Variants in SERPINB8 observed in about 807,000 individuals in gnomAD.
SERPINB8 encodes serpin B8.
SERPINB8 carries 25 observed loss-of-function variants against 35.3 expected under a neutral mutation model. That is an observed-to-expected ratio of 0.71 (90% CI 0.52 to 0.99). The LOEUF (loss-of-function observed/expected upper bound fraction) is 0.99. Ranked by LOEUF, SERPINB8 falls within the 50% of genes least tolerant of loss-of-function variation. SERPINB8 has a pLI of 0.00. For missense variants in SERPINB8, 484 were observed against 446.5 expected, an observed-to-expected ratio of 1.08 and a Z score of -0.76; for synonymous variants, 186 against 160.8, an observed-to-expected ratio of 1.16 and a Z score of -1.19.
chr18:64,012,036 G>A (rs575313477), intron 7 of SERPINB8, among the ~76,000 whole-genome samples: 4 of 152,168 alleles, frequency 2.6e-5, no homozygotes, highest in African/African-American at 7.2e-5. Context: ...CAATATTGGG[G>A]TGAAAAATGA....
chr18:63,985,342 G>A, intron 6 of SERPINB8, 97 bp downstream of exon 6: 1 of 1,407,994 alleles, frequency 7.1e-7, no homozygotes, highest in Admixed American at 2.2e-5. Flanking sequence ...GTTTCCAGTT[G>A]GGGTTATTAC....
chr18:63,990,707 C>T (rs2050821200), downstream of SERPINB8, among the ~76,000 whole-genome samples: 1 of 150,978 alleles, frequency 6.6e-6, no homozygotes, highest in African/African-American at 2.4e-5. Context: ...TGATGTTCCC[C>T]TTCCTGTGTC....
chr18:64,012,685 T>C (rs554880324), intron 7 of SERPINB8, among the ~76,000 whole-genome samples: 3 of 152,278 alleles, frequency 2.0e-5, no homozygotes, highest in African/African-American at 7.2e-5. Flanking sequence ...TCAGCTCTTC[T>C]GAGTGTCAAT....
chr18:63,971,578 AGTCACTGCCTG>A (rs1312701629), intron 1 of SERPINB8, among the ~76,000 whole-genome samples: 1 of 152,230 alleles, frequency 6.6e-6, no homozygotes, highest in Non-Finnish European at 1.5e-5. Flanking sequence ...CTATGTGAGC[AGTCACTGCCTG>A]GCAATTCCAG....
At chr18:64,007,071 C>T (rs1391735248), downstream of SERPINB8, among the ~76,000 whole-genome samples, 1 of 151,014 alleles carries the variant, frequency 6.6e-6, no homozygotes, top group Non-Finnish European at 1.5e-5. Context: ...AAATAACCTC[C>T]AGAAAGATTA....
At chr18:63,984,471 C>A (rs6567408) in intron 5 of SERPINB8, among the ~76,000 whole-genome samples, 4 of 152,100 alleles carry the variant, frequency 2.6e-5, no homozygotes, top group African/African-American at 7.2e-5. Context: ...CTAACTTTAC[C>A]TTCCCTTTTG....
At chr18:63,974,132 G>T (rs2050541351) in intron 1 of SERPINB8, among the ~76,000 whole-genome samples, 1 of 152,060 alleles carries the variant, frequency 6.6e-6, no homozygotes, top group Non-Finnish European at 1.5e-5. Flanking sequence ...TTCTGTAGAG[G>T]TTTTCTTCTT....
rs528793967 is a variant in SERPINB8, at chr18:63,978,354, T to A, written c.46T>A (p.Phe16Ile). 1 of 1,614,214 alleles carries A rather than the reference T, an allele frequency of 6.2e-7. No homozygotes were observed. Among genetic ancestry groups the A allele is most frequent in the East Asian group, 2.2e-5 (1 of 44,888 alleles). The change falls in exon 2 of 7, where the codon TTT (phenylalanine) becomes ATT (isoleucine). Residue 16 changes from phenylalanine (F) to isoleucine (I), a missense_variant. By Grantham distance (21) the Phe-to-Ile change is conservative (BLOSUM62 0). Coordinates refer to ENST00000397985, the MANE Select transcript of SERPINB8 (RefSeq NM_002640.4). The stretch of plus-strand genomic sequence containing the variant: ...AAATGGCACTTTTGCCATCAGCTTA[T>A]TTAAAATATTGGGGGAAGAGGACAA... ...EANGTFAISL[F>I]KILGEEDNSR...
intron 1 of SERPINB8, among the ~76,000 whole-genome samples, chr18:63,971,998 C>CT (rs71162692): frequency 0.23 from 34,527 of 148,540 alleles, 4,130 homozygotes; most frequent in African/African-American, 0.26. Flanking sequence ...TTTCTTTTTT[C>CT]TTTTTTTTTT....
At chr18:63,996,550 C>T (rs529032288) in intron 1 of SERPINB8, among the ~76,000 whole-genome samples, 14 of 152,260 alleles carry the variant, frequency 9.2e-5, no homozygotes, top group Non-Finnish European at 1.8e-4. Context: ...AAATTCCCCA[C>T]ATAGCTGCCA....
At chr18:63,979,367 T>TA (rs2050633025) in intron 2 of SERPINB8, among the ~76,000 whole-genome samples, 1 of 152,236 alleles carries the variant, frequency 6.6e-6, no homozygotes, top group Non-Finnish European at 1.5e-5. Flanking sequence ...CCCAGTTACT[T>TA]ACTTTTTTCT....
intron 7 of SERPINB8, among the ~76,000 whole-genome samples, chr18:64,015,103 C>A (rs2050943571): frequency 6.6e-6 from 1 of 152,154 alleles, no homozygotes; most frequent in African/African-American, 2.4e-5. Flanking sequence ...ATTCTAGAAG[C>A]ATAATGGGCA....
At chr18:63,982,228 G>C (rs904186534) in intron 4 of SERPINB8, among the ~76,000 whole-genome samples, 2 of 152,052 alleles carry the variant, frequency 1.3e-5, no homozygotes, top group Admixed American at 6.6e-5. Flanking sequence ...CGTGGTAATG[G>C]GACAGCTCAG....
At chr18:64,018,899 T>A (rs1466660741) in intron 7 of SERPINB8, 1 of 151,290 alleles carries the variant, frequency 6.6e-6, no homozygotes, top group Non-Finnish European at 1.5e-5. Flanking sequence ...ATGTCTCTCA[T>A]TTTTTTTTAG....
intron 1 of SERPINB8, among the ~76,000 whole-genome samples, chr18:64,001,809 C>G (rs2050876751): frequency 6.6e-6 from 1 of 152,202 alleles, no homozygotes; most frequent in East Asian, 1.9e-4. Context: ...ACTTTTGTAC[C>G]CTAGACACCT....
chr18:63,986,310 A>G, intron 6 of SERPINB8: 5 of 1,608,862 alleles, frequency 3.1e-6, no homozygotes, highest in Non-Finnish European at 3.4e-6. Flanking sequence ...CAGGCAGAGG[A>G]CAAACAAGGA....
intron 1 of SERPINB8, among the ~76,000 whole-genome samples, chr18:64,003,314 T>G (rs1160289456): frequency 1.3e-5 from 2 of 152,046 alleles, no homozygotes; most frequent in Non-Finnish European, 2.9e-5. Context: ...GATGGGTTAG[T>G]CTGAGGAAGT....
chr18:63,998,893 C>T (rs1429229977), intron 1 of SERPINB8, among the ~76,000 whole-genome samples: 1 of 152,184 alleles, frequency 6.6e-6, no homozygotes, highest in African/African-American at 2.4e-5. Context: ...CTGCTTTACT[C>T]CGTGTAGCCC....
At chr18:64,014,539 C>G (rs535299215) in intron 7 of SERPINB8, among the ~76,000 whole-genome samples, 1 of 152,254 alleles carries the variant, frequency 6.6e-6, no homozygotes, top group East Asian at 1.9e-4. Flanking sequence ...GGCTGAGCAT[C>G]CTATCAGCAA....
Sources: gnomAD v4.1 joint callset for allele counts (sites outside exome capture counted in the v4.1 genomes callset) on GRCh38, gnomAD v4.1.1 for gene constraint, MANE v1.5 for transcripts, NCBI Gene and HGNC (gene_info 2026-07-23, HGNC 2026-07-21) for gene names.